Variants in PRL observed in about 807,000 individuals in gnomAD.
PRL encodes decidual prolactin.
Under a neutral mutation model 21.3 loss-of-function variants are expected in PRL, and 24 were observed. The observed-to-expected ratio is 1.13, with a 90% CI of 0.82 to 1.59. PRL has a LOEUF of 1.59. Ranked by LOEUF, PRL falls within the 40% of genes most tolerant of loss-of-function variation. The pLI is 0.00. For synonymous variants in PRL, 118 were observed against 115.7 expected, an observed-to-expected ratio of 1.02 and a Z score of -0.13; for missense variants, 243 against 286.9, an observed-to-expected ratio of 0.85 and a Z score of 1.10.
rs1204949676 is a variant in PRL at position 22,288,425 on chromosome 6, C to T, written c.493-832G>A. 6.6e-6 allele frequency among the ~76,000 whole-genome samples: 1 copy of T among 151,970 alleles called. No homozygotes were observed. Among genetic ancestry groups the T allele is most frequent in the Non-Finnish European group, 1.5e-5 (1 of 68,014 alleles). On this transcript the variant is annotated intron_variant, in intron 4 of 4. Transcript: ENST00000306482. The surrounding 1 kb of genome is among the most constrained non-coding windows in gnomAD (Gnocchi z 4.5). ...TGGTGCACGCCTGTTGTCCCAGCTACTTGGGAGGCTGAGGCATGAGGATCG... is the reference window on the plus strand; with the variant it reads ...TGGTGCACGCCTGTTGTCCCAGCTATTTGGGAGGCTGAGGCATGAGGATCG...
At chr6:22,293,751 G>A (rs1390464887) in intron 2 of PRL, among the ~76,000 whole-genome samples, 1 of 137,802 alleles carries the variant, frequency 7.3e-6, no homozygotes, top group Non-Finnish European at 1.5e-5. Flanking sequence ...GGGGAAGCAA[G>A]GAAGGAAGGA....
chr6:22,294,956 G>T (rs1761144404), intron 1 of PRL, among the ~76,000 whole-genome samples: 1 of 152,036 alleles, frequency 6.6e-6, no homozygotes, highest in Non-Finnish European at 1.5e-5. Context: ...AGGCTGCCCA[G>T]CACTTTGTAA....
At chr6:22,292,958 C>A (rs1411222748) in intron 2 of PRL, among the ~76,000 whole-genome samples, 1 of 152,044 alleles carries the variant, frequency 6.6e-6, no homozygotes, top group East Asian at 1.9e-4. Flanking sequence ...CTAAAAATAG[C>A]AAAAATATGC....
upstream of PRL, among the ~76,000 whole-genome samples, chr6:22,299,922 A>G (rs1761252789): frequency 6.6e-6 from 1 of 152,222 alleles, no homozygotes; most frequent in South Asian, 2.1e-4. Context: ...AGTGAAAGAA[A>G]TTAAGAGTTA....
intron 3 of PRL, among the ~76,000 whole-genome samples, chr6:22,292,279 G>A (rs1449306804): frequency 1.3e-5 from 2 of 152,134 alleles, no homozygotes; most frequent in Non-Finnish European, 1.5e-5. Context: ...CAATCCTAGC[G>A]ACAAGGCATT....
At chr6:22,292,739 G>T in intron 2 of PRL, 94 bp from the exon 3 acceptor site, 1 of 1,008,648 alleles carries the variant, frequency 9.9e-7, no homozygotes, top group Non-Finnish European at 1.4e-6. Context: ...TGGCAGATGT[G>T]TAATTTTAAA....
At position 22,289,241 on chromosome 6, in the gene PRL, C is replaced by T. The variant is rs57440488; in HGVS notation, c.492+933G>A. On this transcript the variant is annotated intron_variant, in intron 4 of 4. Transcript: ENST00000306482. Reference sequence around the variant, plus strand: ...GTGTTTGTTTTGGACATATTTTTCTCGCATGAAAATAACCAAAATGATACA... The same window carrying T: ...GTGTTTGTTTTGGACATATTTTTCTTGCATGAAAATAACCAAAATGATACA... 3.9e-5 allele frequency among the ~76,000 whole-genome samples: 6 copies of T among 152,138 alleles called. No individual in the cohort carries two copies. In the East Asian group the frequency reaches 9.7e-4, roughly 25 times the overall value.
At chr6:22,298,693 T>C (rs945884257), upstream of PRL, among the ~76,000 whole-genome samples, 1 of 152,214 alleles carries the variant, frequency 6.6e-6, no homozygotes, top group African/African-American at 2.4e-5. Context: ...ACATTAGGTA[T>C]TCATTTTTTC....
intron 4 of PRL, 143 bp from the exon 5 acceptor site, chr6:22,287,736 G>A (rs1203837382): frequency 1.4e-6 from 1 of 734,516 alleles, no homozygotes; most frequent in African/African-American, 1.8e-5. Context: ...TGTATATCTG[G>A]GCCAGTGTAT....
At chr6:22,290,472 T>C in intron 3 of PRL, 119 bp from the exon 4 acceptor site, 1 of 779,666 alleles carries the variant, frequency 1.3e-6, no homozygotes, top group South Asian at 5.7e-5. Context: ...TATGTGTAGG[T>C]ACATTTTTCT....
rs1397996113 is a variant in PRL, at chr6:22,290,417, G to A, written c.313-64C>T. On this transcript the variant is annotated intron_variant, in intron 3 of 4. Coordinates refer to ENST00000306482, the MANE Select transcript of PRL (RefSeq NM_000948.6). The stretch of plus-strand genomic sequence containing the variant: ...AAATACAATGGGGTTAGTTACTTGT[G>A]ATTTTTGCTTAGAGAGGCTGTACTG... 5.3e-6 allele frequency: 7 copies of A among 1,328,810 alleles called. No homozygotes were observed. The African/African-American group carries it at 5.8e-5, about 11-fold the overall frequency. The allele number at this position is 1,328,810 out of a possible 1,614,324, so 82.3% of individuals were successfully genotyped here. A position where few individuals can be genotyped will look rare whatever the true frequency, so the allele number is the denominator to read the frequency against.
chr6:22,294,640 A>T (rs375538301), intron 1 of PRL, 56 bp from the exon 2 acceptor site: 148 of 1,473,652 alleles, frequency 1.0e-4, no homozygotes, highest in Non-Finnish European at 1.2e-4. Flanking sequence ...GGAGGTTTTC[A>T]GAAGTAATCC....
chr6:22,290,100 G>C, intron 4 of PRL, 74 bp downstream of exon 4: 6 of 1,347,620 alleles, frequency 4.5e-6, no homozygotes, highest in Non-Finnish European at 5.8e-6. Flanking sequence ...TCTTTCAAAG[G>C]GAAATATTTA....
intron 3 of PRL, among the ~76,000 whole-genome samples, chr6:22,292,089 T>G (rs989590372): frequency 6.6e-6 from 1 of 152,174 alleles, no homozygotes. Context: ...GAGTAGAGTC[T>G]TGAAAGTCCA....
rs1760979056 is a variant in PRL at position 22,288,816 on chromosome 6, G to A, written c.493-1223C>T. On this transcript the variant is annotated intron_variant, in intron 4 of 4. Coordinates refer to ENST00000306482, the MANE Select transcript of PRL (RefSeq NM_000948.6). This position sits in a 1 kb window ranked among gnomAD's most constrained non-coding sequence, Gnocchi z 4.5. ...GATCTGCTAAACCTTTTCCTACAAA[G>A]TGAGAATATTTTTCAAATCTGGGAT... is the stretch of plus-strand genomic sequence containing the variant. Among the ~76,000 whole-genome samples, 1 of 152,174 alleles carries A rather than the reference G, an allele frequency of 6.6e-6. No homozygotes were observed. Among genetic ancestry groups the A allele is most frequent in the Non-Finnish European group, 1.5e-5 (1 of 68,032 alleles).
At chr6:22,290,606 TGAA>T (rs1193881137) in intron 3 of PRL, among the ~76,000 whole-genome samples, 1 of 152,180 alleles carries the variant, frequency 6.6e-6, no homozygotes, top group Non-Finnish European at 1.5e-5. Context: ...ATTGATAAAA[TGAA>T]GAATTTTGTT....
Position 22,297,014 on chromosome 6 carries a change from C to T in PRL, c.-32G>A, listed in dbSNP as rs540176146. ...GATCGTTGCAGGAAACACACTTCAC[C>T]AGAGAAGATCTGGAAGTCTCACGGT... On this transcript the variant is annotated 5_prime_UTR_variant, in exon 1 of 5. Transcript: ENST00000306482. The T allele has an allele frequency of 1.1e-5, 18 of 1,612,912 alleles. No homozygotes were observed. In the African/African-American group the frequency reaches 2.1e-4, roughly 19 times the overall value.
At chr6:22,293,821 G>A (rs562841113) in intron 2 of PRL, among the ~76,000 whole-genome samples, 4 of 150,458 alleles carry the variant, frequency 2.7e-5, no homozygotes, top group Non-Finnish European at 5.9e-5. Flanking sequence ...GGAAGGAAGG[G>A]AGGAAAAGAA....
upstream of PRL, among the ~76,000 whole-genome samples, chr6:22,299,005 G>A (rs1219863760): frequency 6.6e-6 from 1 of 152,104 alleles, no homozygotes; most frequent in East Asian, 1.9e-4. Context: ...CTGCTCCATA[G>A]CCCCACATTT....
Sources: gnomAD v4.1 joint callset for allele counts (sites outside exome capture counted in the v4.1 genomes callset) on GRCh38, gnomAD v4.1.1 for gene constraint, Gnocchi (gnomAD v3.1) non-coding constraint, MANE v1.5 for transcripts, NCBI Gene and HGNC (gene_info 2026-07-23, HGNC 2026-07-21) for gene names.